The following ITPR2 variants were observed in gnomAD, a reference collection of about 807,000 sequenced individuals.
ITPR2 encodes inositol 1,4,5-trisphosphate receptor type 2, also known as inositol 1,4,5-trisphosphate-gated calcium channel ITPR2.
A neutral mutation model predicts 317.1 loss-of-function variants in ITPR2; 207 were observed. That is an observed-to-expected ratio of 0.65 (90% CI 0.58 to 0.73). ITPR2 has a LOEUF of 0.73. Among genes scored for constraint, ITPR2 ranks in the 30% least tolerant of loss-of-function variants. The pLI is 0.00. For missense variants in ITPR2, 2,613 were observed against 3,284.0 expected (o/e 0.80, Z 4.99); for synonymous variants, 1,156 against 1,149.1 (o/e 1.01, Z -0.12).
At chr12:26,476,466 G>A (rs1942418987) in intron 44 of ITPR2, among the ~76,000 whole-genome samples, 1 of 152,080 alleles carries the variant, frequency 6.6e-6, no homozygotes, top group Non-Finnish European at 1.5e-5. Context: ...GTTTCCTTGA[G>A]GCCAAGCATT....
chr12:26,619,558 T>C (rs1046666612), intron 26 of ITPR2, among the ~76,000 whole-genome samples: 1 of 152,060 alleles, frequency 6.6e-6, no homozygotes, highest in Non-Finnish European at 1.5e-5. Flanking sequence ...AAAGGTTTCC[T>C]TGCCCCTAAA....
chr12:26,584,652 A>G (rs1045078947), intron 32 of ITPR2, among the ~76,000 whole-genome samples: 13 of 152,240 alleles, frequency 8.5e-5, no homozygotes, highest in Non-Finnish European at 1.6e-4. Context: ...TATGGTAGCC[A>G]TTAGACACAG....
Position 26,337,279 on chromosome 12 carries a change from G to T in ITPR2, c.*2118C>A, listed in dbSNP as rs1158070577. On this transcript the variant is annotated 3_prime_UTR_variant, in exon 57 of 57. Coordinates refer to ENST00000381340, the MANE Select transcript of ITPR2 (RefSeq NM_002223.4). ...AGATACTTTATCATCTGAAAGACAG[G>T]TTGCTCAGATGTATACAAATGAATT... is the stretch of plus-strand genomic sequence containing the variant. 1 of 152,096 alleles carries T rather than the reference G, an allele frequency of 6.6e-6. No individual in the cohort carries two copies. The highest frequency in any genetic ancestry group is 6.6e-5 in the Admixed American group (1 of 15,262). 9.4% of individuals were successfully genotyped at this position (152,096 alleles called of 1,614,324 possible).
At chr12:26,433,196 T>A (rs1036090038) in intron 48 of ITPR2, among the ~76,000 whole-genome samples, 1 of 152,192 alleles carries the variant, frequency 6.6e-6, no homozygotes, top group Non-Finnish European at 1.5e-5. Flanking sequence ...TGGGGTTTGA[T>A]ATTGCCAAAA....
chr12:26,829,964 C>T (rs11048696), intron 1 of ITPR2, among the ~76,000 whole-genome samples: 24,420 of 152,202 alleles, frequency 0.16, 2,323 homozygotes, highest in East Asian at 0.22. Flanking sequence ...AGTGCAGTGG[C>T]GCAATCTCAG....
intron 34 of ITPR2, among the ~76,000 whole-genome samples, chr12:26,572,889 A>T (rs1945196109): frequency 6.6e-6 from 1 of 152,164 alleles, no homozygotes; most frequent in Non-Finnish European, 1.5e-5. Flanking sequence ...TGACTCCAGT[A>T]AGCCAAATGT....
chr12:26,707,559 T>C (rs757385262), intron 9 of ITPR2, among the ~76,000 whole-genome samples: 2 of 152,070 alleles, frequency 1.3e-5, no homozygotes, highest in Non-Finnish European at 2.9e-5. Flanking sequence ...TGAGACAGAG[T>C]CTTGTTCTTT....
rs374123712 is a variant in ITPR2 at position 26,686,658 on chromosome 12, A to G, written c.997-26T>C. 1.3e-3 allele frequency: 2,045 copies of G among 1,579,006 alleles called. 1 individual carries two copies. The highest frequency in any genetic ancestry group is 1.7e-3 in the Non-Finnish European group (1,977 of 1,162,764). On this transcript the variant is annotated intron_variant, in intron 10 of 56. Transcript: ENST00000381340. ...CTGTTGAGGAAGTACAAGTTTATTT[A>G]CTTTTATCACGTTTCTTGCTAAACT... is the stretch of plus-strand genomic sequence containing the variant.
At chr12:26,546,652 T>C (rs1944396543) in intron 37 of ITPR2, among the ~76,000 whole-genome samples, 1 of 151,870 alleles carries the variant, frequency 6.6e-6, no homozygotes, top group Non-Finnish European at 1.5e-5. Context: ...TTATAATATA[T>C]TGCAGGGCTA....
chr12:26,450,794 C>G (rs1367966544), intron 45 of ITPR2, among the ~76,000 whole-genome samples: 1 of 151,952 alleles, frequency 6.6e-6, no homozygotes, highest in Non-Finnish European at 1.5e-5. Flanking sequence ...ACTCTTTTCT[C>G]AAAGAGGAGA....
intron 37 of ITPR2, among the ~76,000 whole-genome samples, chr12:26,537,473 T>C (rs745660878): frequency 8.5e-5 from 13 of 152,202 alleles, no homozygotes; most frequent in Non-Finnish European, 1.8e-4. Flanking sequence ...GGTGAATGTT[T>C]CCCTGATTAC....
chr12:26,339,623 T>G (rs1029091723), intron 56 of ITPR2, 140 bp from the exon 57 acceptor site: 8 of 552,352 alleles, frequency 1.4e-5, no homozygotes, highest in Admixed American at 3.9e-5. Flanking sequence ...AAAAAAGGGA[T>G]TTTTTTAAAA....
At chr12:26,466,266 T>C (rs1322872674) in intron 45 of ITPR2, among the ~76,000 whole-genome samples, 12 of 152,232 alleles carry the variant, frequency 7.9e-5, no homozygotes, top group Non-Finnish European at 1.6e-4. Flanking sequence ...AATGGTTCTG[T>C]CCACTGTGTT....
chr12:26,755,885 A>C (rs1300840068), intron 2 of ITPR2, among the ~76,000 whole-genome samples: 1 of 152,164 alleles, frequency 6.6e-6, no homozygotes, highest in Non-Finnish European at 1.5e-5. Context: ...GTGACTTTCT[A>C]ACAAGTCCAG....
intron 9 of ITPR2, among the ~76,000 whole-genome samples, chr12:26,706,747 C>G (rs1172527590): frequency 6.6e-6 from 1 of 152,146 alleles, no homozygotes; most frequent in Non-Finnish European, 1.5e-5. Flanking sequence ...CTCGAGGTAG[C>G]TACCAAGTTA....
intron 55 of ITPR2, among the ~76,000 whole-genome samples, chr12:26,363,530 A>C (rs1214232021): frequency 6.6e-6 from 1 of 151,996 alleles, no homozygotes; most frequent in Non-Finnish European, 1.5e-5. Flanking sequence ...AAGGTTGGGG[A>C]CTGCTGATCT....
chr12:26,391,795 C>A (rs2136636917), intron 54 of ITPR2, among the ~76,000 whole-genome samples: 1 of 152,052 alleles, frequency 6.6e-6, no homozygotes, highest in East Asian at 1.9e-4. Context: ...AAACTCCTGA[C>A]TTCAGCTTAT....
chr12:26,816,962 G>A (rs554659370), intron 1 of ITPR2, among the ~76,000 whole-genome samples: 15 of 151,904 alleles, frequency 9.9e-5, no homozygotes, highest in South Asian at 2.1e-4. Flanking sequence ...GGCGGATCAC[G>A]AGGTCAGGAG....
intron 21 of ITPR2, among the ~76,000 whole-genome samples, chr12:26,652,341 T>G (rs1248915466): frequency 6.6e-6 from 1 of 152,244 alleles, no homozygotes; most frequent in African/African-American, 2.4e-5. Flanking sequence ...ATTTGTACAG[T>G]TTTTTGAAAG....
Sources: gnomAD v4.1 joint callset for allele counts (sites outside exome capture counted in the v4.1 genomes callset) on GRCh38, gnomAD v4.1.1 for gene constraint, MANE v1.5 for transcripts, NCBI Gene and HGNC (gene_info 2026-07-23, HGNC 2026-07-21) for gene names.